Variants in CLIP4 observed in about 807,000 individuals in gnomAD.
The protein encoded by CLIP4 is CAP-Gly domain-containing linker protein 4.
Under a neutral mutation model 73.1 loss-of-function variants are expected in CLIP4, and 47 were observed. That is an observed-to-expected ratio of 0.64 (90% CI 0.51 to 0.82). The LOEUF is 0.82. Among genes scored for constraint, CLIP4 ranks in the 40% least tolerant of loss-of-function variants. The pLI is 0.00. For missense variants in CLIP4, 874 were observed against 852.9 expected (o/e 1.02, Z -0.31); for synonymous variants, 306 against 295.4 (o/e 1.04, Z -0.37).
At chr2:29,181,315 G>C (rs1162227369) in intron 15 of CLIP4, among the ~76,000 whole-genome samples, 1 of 152,224 alleles carries the variant, frequency 6.6e-6, no homozygotes, top group African/African-American at 2.4e-5. Context: ...GGTTGGTCTT[G>C]TTGTCCCAGG....
intron 14 of CLIP4, 102 bp from the exon 15 acceptor site, chr2:29,174,271 T>G: frequency 9.7e-7 from 1 of 1,033,206 alleles, no homozygotes; most frequent in Non-Finnish European, 1.4e-6. Context: ...AAAGAAACAT[T>G]TAATATAATA....
At chr2:29,136,303 C>A (rs574970567) in intron 6 of CLIP4, among the ~76,000 whole-genome samples, 2 of 151,778 alleles carry the variant, frequency 1.3e-5, no homozygotes, top group Non-Finnish European at 2.9e-5. Flanking sequence ...TGTGTGTGAG[C>A]GGCAGATAGT....
intron 15 of CLIP4, among the ~76,000 whole-genome samples, chr2:29,177,905 C>G (rs1668436199): frequency 6.6e-6 from 1 of 152,200 alleles, no homozygotes; most frequent in South Asian, 2.1e-4. Context: ...TCTCAATTCT[C>G]TGGCTTTTGA....
At chr2:29,164,857 C>T (rs563936099) in intron 13 of CLIP4, among the ~76,000 whole-genome samples, 1 of 152,258 alleles carries the variant, frequency 6.6e-6, no homozygotes, top group Admixed American at 6.5e-5. Flanking sequence ...ATATACTTGA[C>T]ATAATTTTCT....
Position 29,115,832 on chromosome 2 carries a change from C to A in CLIP4, c.-16+167C>A, listed in dbSNP as rs1234810195. Among the ~76,000 whole-genome samples the A allele has an allele frequency of 6.6e-6, 1 of 151,626 alleles. No homozygotes were observed. The highest frequency in any genetic ancestry group is 1.5e-5 in the Non-Finnish European group (1 of 67,844). Reference sequence around the variant, plus strand: ...CCCCGCGGCCGCCTCCCGTGGGCACCGGTGTCGCTGGCCGCGGGGAGGCCT... The same window carrying A: ...CCCCGCGGCCGCCTCCCGTGGGCACAGGTGTCGCTGGCCGCGGGGAGGCCT... On this transcript the variant is annotated intron_variant, in intron 1 of 15. Transcript: ENST00000320081. This position sits in a 1 kb window ranked among gnomAD's most constrained non-coding sequence, Gnocchi z 5.1.
chr2:29,103,431 T>TTTATAA (rs2148433201), intron 1 of CLIP4, among the ~76,000 whole-genome samples: 1 of 151,816 alleles, frequency 6.6e-6, no homozygotes, highest in East Asian at 1.9e-4. Context: ...TTATACTTAT[T>TTTATAA]AATTATATAT....
chr2:29,162,399 G>A (rs1468938445), intron 12 of CLIP4, among the ~76,000 whole-genome samples: 1 of 152,052 alleles, frequency 6.6e-6, no homozygotes, highest in African/African-American at 2.4e-5. Context: ...GGTCATATTT[G>A]GTCTCATCAG....
At position 29,157,202 on chromosome 2, in the gene CLIP4, A is replaced by T; in HGVS notation, c.1256-2A>T. Reference sequence around the variant, plus strand: ...GTTTGACACGTTCTTTATCTGTTACAGTTGCCCTGCTTGGATCTGTCAGCA... The same window carrying T: ...GTTTGACACGTTCTTTATCTGTTACTGTTGCCCTGCTTGGATCTGTCAGCA... On this transcript the variant is annotated splice_acceptor_variant, in intron 10 of 15. Transcript: ENST00000320081. LOFTEE classifies it high-confidence loss of function. The T allele has an allele frequency of 6.2e-7, 1 of 1,613,834 alleles. No individual in the cohort carries two copies. Among genetic ancestry groups the T allele is most frequent in the Non-Finnish European group, 8.5e-7 (1 of 1,179,716 alleles).
intron 12 of CLIP4, among the ~76,000 whole-genome samples, chr2:29,162,127 C>T (rs992204965): frequency 6.6e-6 from 1 of 152,098 alleles, no homozygotes; most frequent in African/African-American, 2.4e-5. Flanking sequence ...AGTTCCCTTT[C>T]TCTGATGTTA....
At chr2:29,098,113 A>C (rs558307234) in intron 1 of CLIP4, among the ~76,000 whole-genome samples, 1 of 152,362 alleles carries the variant, frequency 6.6e-6, no homozygotes, top group African/African-American at 2.4e-5. Flanking sequence ...GACATATTTT[A>C]CAGGAATGCA....
intron 6 of CLIP4, among the ~76,000 whole-genome samples, chr2:29,140,076 T>G (rs201378054): frequency 6.6e-6 from 1 of 152,098 alleles, no homozygotes; most frequent in African/African-American, 2.4e-5. Flanking sequence ...TTTTTATTTT[T>G]TATTTTGTTT....
intron 1 of CLIP4, among the ~76,000 whole-genome samples, chr2:29,098,451 G>T (rs540005209): frequency 6.6e-6 from 1 of 152,078 alleles, no homozygotes; most frequent in African/African-American, 2.4e-5. Context: ...ATCATTTTAC[G>T]GTCTCCATTG....
chr2:29,135,390 A>G (rs980405556), intron 5 of CLIP4, among the ~76,000 whole-genome samples, 158 bp from the exon 6 acceptor site: 2 of 152,220 alleles, frequency 1.3e-5, no homozygotes, highest in Non-Finnish European at 2.9e-5. Flanking sequence ...CTAGATTGTA[A>G]TATAAAGATT....
chr2:29,152,895 T>C (rs1666674285), intron 9 of CLIP4, 67 bp downstream of exon 9: 2 of 1,530,426 alleles, frequency 1.3e-6, no homozygotes, highest in Non-Finnish European at 8.8e-7. Flanking sequence ...ATTCCTAATA[T>C]TTAGATTGCT....
chr2:29,115,084 G>C (rs1301409585), upstream of CLIP4: 2 of 152,408 alleles, frequency 1.3e-5, no homozygotes, highest in Non-Finnish European at 2.9e-5. This position sits in a 1 kb window ranked among gnomAD's most constrained non-coding sequence, Gnocchi z 5.1. Flanking sequence ...AGCAAGCGCT[G>C]CCAGCAGGGA....
At chr2:29,130,055 C>T in intron 2 of CLIP4, 1 of 471,036 alleles carries the variant, frequency 2.1e-6, no homozygotes, top group Non-Finnish European at 4.4e-6. Flanking sequence ...TGAGAAGTTT[C>T]AGCAAAGGTT....
intron 2 of CLIP4, chr2:29,130,162 G>A: frequency 6.8e-6 from 3 of 440,018 alleles, no homozygotes; most frequent in Middle Eastern, 6.9e-4. Flanking sequence ...AGAGCAGCCA[G>A]TGCTGCGGCC....
At chr2:29,138,587 A>G (rs1451754893) in intron 6 of CLIP4, among the ~76,000 whole-genome samples, 1 of 151,994 alleles carries the variant, frequency 6.6e-6, no homozygotes, top group African/African-American at 2.4e-5. Flanking sequence ...TGAAACTGTC[A>G]ATTGCTTTGG....
At chr2:29,102,960 A>C (rs575676259) in intron 1 of CLIP4, among the ~76,000 whole-genome samples, 1 of 151,070 alleles carries the variant, frequency 6.6e-6, no homozygotes, top group South Asian at 2.1e-4. Context: ...GGACCTCAGC[A>C]CCCTCCCTAA....
Sources: allele counts gnomAD v4.1 joint callset (sites outside exome capture counted in the v4.1 genomes callset), GRCh38; gene constraint gnomAD v4.1.1; non-coding constraint Gnocchi (gnomAD v3.1); transcripts MANE v1.5; gene names NCBI Gene and HGNC (gene_info 2026-07-23, HGNC 2026-07-21).